The following LZTFL1 variants were observed in gnomAD, a reference collection of about 807,000 sequenced individuals.
The protein encoded by LZTFL1 is leucine zipper transcription factor like 1, also known as leucine zipper transcription factor-like protein 1.
A neutral mutation model predicts 45.9 loss-of-function variants in LZTFL1; 25 were observed. The observed-to-expected ratio is 0.54, with a 90% confidence interval of 0.40 to 0.76. The LOEUF (loss-of-function observed/expected upper bound fraction) is 0.76. Ranked by LOEUF, LZTFL1 falls within the 30% of genes least tolerant of loss-of-function variation. The pLI, the probability that LZTFL1 is intolerant of heterozygous loss-of-function variation, is 0.00. For missense variants in LZTFL1, 277 were observed against 331.1 expected, an observed-to-expected ratio of 0.84 and a Z score of 1.27; for synonymous variants, 93 against 117.4, an observed-to-expected ratio of 0.79 and a Z score of 1.35.
intron 4 of LZTFL1, chr3:45,854,382 AAGG>A (rs1701353694): frequency 6.5e-6 from 1 of 152,898 alleles, no homozygotes; most frequent in Non-Finnish European, 1.5e-5. Context: ...CCTGACCAAC[AAGG>A]AGGAATCCCG....
intron 2 of LZTFL1, chr3:45,895,068 GTA>G: frequency 8.7e-7 from 1 of 1,153,528 alleles, no homozygotes; most frequent in Non-Finnish European, 1.3e-6. Flanking sequence ...GTTTCCCAGG[GTA>G]AGATCTCTGC....
At chr3:45,837,408 G>A (rs1225668775) in intron 2 of LZTFL1, among the ~76,000 whole-genome samples, 1 of 152,068 alleles carries the variant, frequency 6.6e-6, no homozygotes, top group Non-Finnish European at 1.5e-5. Flanking sequence ...TATCTGACTT[G>A]ACATTCATCT....
Position 45,824,003 on chromosome 3 carries a change from CA to C in LZTFL1, c.*2310del, listed in dbSNP as rs1221827770. On this transcript the variant is annotated 3_prime_UTR_variant, in exon 10 of 10. Coordinates refer to ENST00000296135, the MANE Select transcript of LZTFL1 (RefSeq NM_020347.4). Reference sequence around the variant, plus strand: ...AGACATAAGCAAATTATCATTTAAACATTTATTTAATATAGGTTAAAATGTA... The same window carrying C: ...AGACATAAGCAAATTATCATTTAAACTTTATTTAATATAGGTTAAAATGTA... 32 of 152,250 alleles carry C rather than the reference CA, an allele frequency of 2.1e-4. No homozygotes were observed. Among genetic ancestry groups the C allele is most frequent in the Admixed American group, 6.5e-4 (10 of 15,304 alleles). 9.4% of individuals were successfully genotyped at this position (152,250 alleles called of 1,614,324 possible).
chr3:45,910,998 A>AGG (rs979558205), intron 2 of LZTFL1, among the ~76,000 whole-genome samples: 1 of 152,152 alleles, frequency 6.6e-6, no homozygotes, highest in Non-Finnish European at 1.5e-5. Flanking sequence ...GCTGCCATGC[A>AGG]GGGCCCCAGC....
At chr3:45,867,875 A>G (rs539389051) in intron 2 of LZTFL1, among the ~76,000 whole-genome samples, 2 of 152,026 alleles carry the variant, frequency 1.3e-5, no homozygotes, top group Admixed American at 6.5e-5. Flanking sequence ...AAGAAAACCT[A>G]TATTAGCCAA....
chr3:45,892,196 C>T (rs1177620898), intron 2 of LZTFL1, among the ~76,000 whole-genome samples: 1 of 152,124 alleles, frequency 6.6e-6, no homozygotes, highest in African/African-American at 2.4e-5. Flanking sequence ...TATACATATA[C>T]AAATTGTCTA....
At position 45,825,909 on chromosome 3, in the gene LZTFL1, T is replaced by C. The variant is rs560217970; in HGVS notation, c.*405A>G. 73 of 166,364 alleles carry C rather than the reference T, an allele frequency of 4.4e-4. No individual in the cohort carries two copies. The highest frequency in any genetic ancestry group is 1.7e-3 in the African/African-American group (71 of 42,200). The allele number at this position is 166,364 out of a possible 1,614,324, so 10.3% of individuals were successfully genotyped here. ...TCTCTTTTTTTGGTAATAACTATCTTTAACAATGCTATTATTTATTTTTAC... is the reference window on the plus strand; with the variant it reads ...TCTCTTTTTTTGGTAATAACTATCTCTAACAATGCTATTATTTATTTTTAC... On this transcript the variant is annotated 3_prime_UTR_variant, in exon 10 of 10. Coordinates refer to ENST00000296135, the MANE Select transcript of LZTFL1 (RefSeq NM_020347.4).
At chr3:45,865,793 A>G (rs1056179133) in intron 2 of LZTFL1, among the ~76,000 whole-genome samples, 1 of 152,216 alleles carries the variant, frequency 6.6e-6, no homozygotes, top group African/African-American at 2.4e-5. Flanking sequence ...TTCACTCCTG[A>G]GTGTTTACCC....
chr3:45,832,981 T>G, intron 5 of LZTFL1, 69 bp downstream of exon 5: 1 of 1,190,840 alleles, frequency 8.4e-7, no homozygotes. Context: ...CTTCCACTTC[T>G]GTTTCTCCAC....
intron 2 of LZTFL1, among the ~76,000 whole-genome samples, chr3:45,887,091 A>C (rs1197608013): frequency 6.6e-6 from 1 of 152,170 alleles, no homozygotes; most frequent in East Asian, 1.9e-4. Context: ...ATGAATTGTG[A>C]TGTATCTAGA....
At chr3:45,876,984 A>T (rs1027732129) in intron 2 of LZTFL1, among the ~76,000 whole-genome samples, 1 of 152,138 alleles carries the variant, frequency 6.6e-6, no homozygotes, top group Non-Finnish European at 1.5e-5. Context: ...GCAGGGATGG[A>T]AGCCGAGACA....
At chr3:45,906,902 C>T (rs764911449) in intron 2 of LZTFL1, among the ~76,000 whole-genome samples, 1 of 152,242 alleles carries the variant, frequency 6.6e-6, no homozygotes. Context: ...CCTGGCTCCT[C>T]TCTCTCAGAT....
At chr3:45,913,283 G>C in intron 1 of LZTFL1, 1 of 805,150 alleles carries the variant, frequency 1.2e-6, no homozygotes, top group Non-Finnish European at 1.9e-6. Context: ...ATGAGGACCT[G>C]CCACAACCTA....
At chr3:45,827,554 T>G (rs564847493) in intron 8 of LZTFL1, 95 bp from the exon 9 acceptor site, 1 of 736,812 alleles carries the variant, frequency 1.4e-6, no homozygotes, top group Non-Finnish European at 2.3e-6. Flanking sequence ...TTGCTTGAAT[T>G]TTACTAGTAT....
chr3:45,886,919 TAAAG>T (rs2125734795), intron 2 of LZTFL1, among the ~76,000 whole-genome samples: 1 of 152,126 alleles, frequency 6.6e-6, no homozygotes, highest in South Asian at 2.1e-4. Flanking sequence ...ATTTATACCT[TAAAG>T]GAAGGAGAAG....
chr3:45,904,135 CAT>C (rs1303549226), intron 2 of LZTFL1, among the ~76,000 whole-genome samples: 6 of 152,182 alleles, frequency 3.9e-5, no homozygotes. Context: ...TGTTCTGGTA[CAT>C]GTTTTAAATG....
chr3:45,877,947 T>C (rs965588195), intron 2 of LZTFL1, among the ~76,000 whole-genome samples: 6 of 152,090 alleles, frequency 3.9e-5, no homozygotes. Flanking sequence ...TGTTTCACCA[T>C]GTTGACCAGG....
At chr3:45,836,697 T>C (rs939551251) in intron 2 of LZTFL1, among the ~76,000 whole-genome samples, 2 of 152,176 alleles carry the variant, frequency 1.3e-5, no homozygotes, top group Non-Finnish European at 2.9e-5. Flanking sequence ...ACATAGAGAA[T>C]GCTTGGGTTG....
At chr3:45,841,645 A>C (rs1575263442) in intron 1 of LZTFL1, 1 of 430,348 alleles carries the variant, frequency 2.3e-6, no homozygotes, top group Non-Finnish European at 4.3e-6. Context: ...AGAGTTAAGA[A>C]CCCTGCCGTG....
Sources: allele counts gnomAD v4.1 joint callset (sites outside exome capture counted in the v4.1 genomes callset), GRCh38; gene constraint gnomAD v4.1.1; transcripts MANE v1.5; gene names NCBI Gene and HGNC (gene_info 2026-07-23, HGNC 2026-07-21).